XIAP: variants seen among roughly 807,000 people sequenced by gnomAD.
XIAP encodes the protein X-linked inhibitor of apoptosis.
A neutral mutation model predicts 33.1 loss-of-function variants in XIAP; 3 were observed. The ratio of observed to expected loss-of-function variants is 0.09; its 90% CI spans 0.04 to 0.23. The LOEUF is 0.23. XIAP is among the 10% of genes least tolerant of loss of function. The probability of loss-of-function intolerance (pLI) is 1.00; values close to 1 mark genes in which losing one functional copy is unlikely to be tolerated. For missense variants in XIAP, 264 were observed against 363.0 expected (o/e 0.73, Z 2.22); for synonymous variants, 98 against 121.3 (o/e 0.81, Z 1.26).
At chrX:123,883,379 C>T (rs894433760) in intron 1 of XIAP, among the ~76,000 whole-genome samples, 22 of 110,617 alleles carry the variant, frequency 2.0e-4, no homozygotes, top group Non-Finnish European at 2.8e-4. Context: ...TCACCGTGTC[C>T]GGCCTATGCA....
chrX:123,863,734 C>G (rs1228011979), intron 1 of XIAP, among the ~76,000 whole-genome samples: 1 of 111,062 alleles, frequency 9.0e-6, no homozygotes, highest in Admixed American at 9.7e-5. Context: ...TCTCAAACTC[C>G]CGACCTCAGG....
At chrX:123,875,420 T>C (rs7065136) in intron 1 of XIAP, among the ~76,000 whole-genome samples, 21,422 of 111,236 alleles carry the variant, frequency 0.19, 1,483 homozygotes, top group South Asian at 0.39. Context: ...TTAGAACATA[T>C]ATTGCCAGAT....
chrX:123,898,018 CA>C (rs1319717349), intron 5 of XIAP, among the ~76,000 whole-genome samples: 1 of 112,263 alleles, frequency 8.9e-6, no homozygotes, highest in Non-Finnish European at 1.9e-5. Context: ...GCCCTCTGGA[CA>C]TTTCCACCTA....
rs1424789598 is a variant in XIAP at position 123,909,746 on chromosome X, C to T, written c.*2565C>T. On this transcript the variant is annotated 3_prime_UTR_variant, in exon 7 of 7. Transcript: ENST00000371199. ...ATGAGTTGTGAAATTTAATGCACAA[C>T]GCTGATGTGGCTAACAAGTTTATTT... is the stretch of plus-strand genomic sequence containing the variant. The T allele has an allele frequency of 1.8e-5, 6 of 327,755 alleles. No individual in the cohort carries two copies. The highest frequency in any genetic ancestry group is 3.1e-5 in the Admixed American group (1 of 31,867). 27.0% of individuals were successfully genotyped at this position (327,755 alleles called of 1,213,427 possible).
intron 1 of XIAP, among the ~76,000 whole-genome samples, chrX:123,878,318 A>T (rs2053265537): frequency 8.9e-6 from 1 of 111,876 alleles, no homozygotes; most frequent in Non-Finnish European, 1.9e-5. Flanking sequence ...GAGTTGTGCA[A>T]CTATCACCAC....
chrX:123,901,974 A>G (rs1323557526), intron 6 of XIAP, among the ~76,000 whole-genome samples: 1 of 111,942 alleles, frequency 8.9e-6, no homozygotes, highest in Non-Finnish European at 1.9e-5. Context: ...CTGGAATTAC[A>G]GGCATGTGCC....
chrX:123,875,227 G>T (rs941483890), intron 1 of XIAP, among the ~76,000 whole-genome samples: 68 of 109,002 alleles, frequency 6.2e-4, no homozygotes, highest in Non-Finnish European at 1.2e-3. Flanking sequence ...TTTCACCATG[G>T]CCAGGCTGGT....
intron 1 of XIAP, among the ~76,000 whole-genome samples, chrX:123,880,213 G>A (rs1189575828): frequency 9.3e-6 from 1 of 107,948 alleles, no homozygotes; most frequent in African/African-American, 3.4e-5. Flanking sequence ...AGGAGTTCAA[G>A]ACCAGCCTGG....
At chrX:123,885,057 AAAAG>A (rs1265529536) in intron 1 of XIAP, among the ~76,000 whole-genome samples, 3 of 111,598 alleles carry the variant, frequency 2.7e-5, no homozygotes, top group Non-Finnish European at 3.8e-5. Context: ...TTACAACAAA[AAAAG>A]GGCTCTCATT....
In XIAP at chrX:123,909,632, G is replaced by T. The variant is rs931789494; in HGVS notation, c.*2451G>T. The T allele has an allele frequency of 6.1e-6, 2 of 329,106 alleles. No individual in the cohort carries two copies. The highest frequency in any genetic ancestry group is 1.2e-5 in the Non-Finnish European group (2 of 169,904). 27.1% of individuals were successfully genotyped at this position (329,106 alleles called of 1,213,427 possible). The stretch of plus-strand genomic sequence containing the variant: ...AAGGACTGAATTGTTTTAACATAAG[G>T]CTTTTCCTGTTCTGGGAGCCGCACT... On this transcript the variant is annotated 3_prime_UTR_variant, in exon 7 of 7. Transcript: ENST00000371199.
chrX:123,899,688 T>C (rs2053499359), intron 5 of XIAP, among the ~76,000 whole-genome samples: 1 of 108,947 alleles, frequency 9.2e-6, no homozygotes, highest in African/African-American at 3.3e-5. Flanking sequence ...ATTATATCTA[T>C]GAGATCCATC....
Position 123,868,702 on chromosome X carries a change from A to G in XIAP, c.-33+8409A>G, listed in dbSNP as rs28382708. Among the ~76,000 whole-genome samples the G allele has an allele frequency of 6.2e-4, 69 of 111,849 alleles. No individual in the cohort carries two copies. The East Asian group carries it at 0.016, about 26-fold the overall frequency. ...AGTCAAGATCAGGGCACCCCATTCC[A>G]GCTTGGGGGACAGAGCAAGACCCTA... On this transcript the variant is annotated intron_variant, in intron 1 of 6. Transcript: ENST00000371199.
intron 1 of XIAP, among the ~76,000 whole-genome samples, chrX:123,867,481 C>T (rs2053152670): frequency 9.3e-6 from 1 of 107,368 alleles, no homozygotes; most frequent in South Asian, 4.2e-4. Flanking sequence ...TCAAGTGATT[C>T]TCCTGCCTGA....
intron 1 of XIAP, among the ~76,000 whole-genome samples, chrX:123,883,131 G>C (rs2053319058): frequency 9.1e-6 from 1 of 110,354 alleles, no homozygotes; most frequent in African/African-American, 3.3e-5. Context: ...CGCCCAGGAT[G>C]GAGTGCAGTG....
rs868382841 is a variant in XIAP, at chrX:123,908,490, C to T, written c.*1309C>T. 23 of 369,735 alleles carry T rather than the reference C, an allele frequency of 6.2e-5. No individual in the cohort carries two copies. The Middle Eastern group carries it at 2.4e-3, about 38-fold the overall frequency. The allele number at this position is 369,735 out of a possible 1,213,427, so 30.5% of individuals were successfully genotyped here. On this transcript the variant is annotated 3_prime_UTR_variant, in exon 7 of 7. Coordinates refer to ENST00000371199, the MANE Select transcript of XIAP (RefSeq NM_001167.4). Reference sequence around the variant, plus strand: ...AGGTAAAAGTAGAAGCATGTTTGTACACTGCTTGTAGTTATAGTGACAGCT... The same window carrying T: ...AGGTAAAAGTAGAAGCATGTTTGTATACTGCTTGTAGTTATAGTGACAGCT...
chrX:123,910,514 G>A lies in XIAP; in HGVS notation c.*3333G>A. 1 of 329,525 alleles carries A rather than the reference G, an allele frequency of 3.0e-6. No individual in the cohort carries two copies. Among genetic ancestry groups the A allele is most frequent in the Non-Finnish European group, 5.9e-6 (1 of 169,999 alleles). The allele number at this position is 329,525 out of a possible 1,213,427, so 27.2% of individuals were successfully genotyped here. On this transcript the variant is annotated 3_prime_UTR_variant, in exon 7 of 7. Transcript: ENST00000371199. ...ATTACACAGGTGTTGAATGGGGAAAGGGGCTAGTATATCAGTAGGATATAC... is the reference window on the plus strand; with the variant it reads ...ATTACACAGGTGTTGAATGGGGAAAAGGGCTAGTATATCAGTAGGATATAC...
At chrX:123,906,887 G>A (rs939136135) in intron 6 of XIAP, 101 bp from the exon 7 acceptor site, 6 of 1,004,531 alleles carry the variant, frequency 6.0e-6, no homozygotes, top group Non-Finnish European at 8.3e-6. Context: ...CCCGGCACTT[G>A]TTGGGTGCTT....
At chrX:123,892,913 C>T (rs894668888) in intron 5 of XIAP, 140 bp downstream of exon 5, 63 of 498,772 alleles carry the variant, frequency 1.3e-4, no homozygotes, top group Non-Finnish European at 1.9e-4. Context: ...CTCTGCCTCC[C>T]GGGTTCAACC....
intron 1 of XIAP, among the ~76,000 whole-genome samples, chrX:123,862,581 C>G (rs1444595376): frequency 9.2e-6 from 1 of 108,247 alleles, no homozygotes; most frequent in Non-Finnish European, 1.9e-5. Context: ...AAATTTGACA[C>G]CTGACGCTGT....
Sources: allele counts gnomAD v4.1 joint callset (sites outside exome capture counted in the v4.1 genomes callset), GRCh38; gene constraint gnomAD v4.1.1; transcripts MANE v1.5; gene names NCBI Gene and HGNC (gene_info 2026-07-23, HGNC 2026-07-21).